The following ALPK1 variants were observed in gnomAD, a reference collection of about 807,000 sequenced individuals.
ALPK1 encodes alpha-protein kinase 1.
ALPK1 carries 110 observed loss-of-function variants against 120.6 expected under a neutral mutation model. The observed-to-expected ratio is 0.91, with a 90% CI of 0.78 to 1.07. The LOEUF (loss-of-function observed/expected upper bound fraction) is 1.07. Ranked by LOEUF, ALPK1 falls within the 50% of genes least tolerant of loss-of-function variation. The pLI, the probability that ALPK1 is intolerant of heterozygous loss-of-function variation, is 0.00. For missense variants in ALPK1, 1,498 were observed against 1,483.9 expected (o/e 1.01, Z -0.16); for synonymous variants, 582 against 560.3 (o/e 1.04, Z -0.55).
At chr4:112,319,072 A>T (rs887062741) in intron 2 of ALPK1, among the ~76,000 whole-genome samples, 4 of 152,230 alleles carry the variant, frequency 2.6e-5, no homozygotes, top group African/African-American at 9.6e-5. Flanking sequence ...TCTGGGCAGC[A>T]CATGAAGCAT....
chr4:112,319,709 A>G (rs866165994), intron 2 of ALPK1, among the ~76,000 whole-genome samples: 8 of 152,134 alleles, frequency 5.3e-5, no homozygotes, highest in Admixed American at 3.9e-4. Flanking sequence ...TGTGTCATCT[A>G]TCATTTCTTT....
intron 2 of ALPK1, among the ~76,000 whole-genome samples, chr4:112,373,175 T>C (rs1731493516): frequency 6.6e-6 from 1 of 152,232 alleles, no homozygotes; most frequent in African/African-American, 2.4e-5. Flanking sequence ...AGCCAATGTC[T>C]CCCTCTGTCA....
At chr4:112,357,923 T>C in intron 2 of ALPK1, 3 of 941,588 alleles carry the variant, frequency 3.2e-6, no homozygotes, top group South Asian at 1.3e-5. Context: ...TCTGAGACCA[T>C]GGGTGCTTAC....
Position 112,432,435 on chromosome 4 carries a change from G to A in ALPK1, c.2888G>A (p.Gly963Glu). ...SSGSSWVSLP[G>E]KMRKEILEAR... ...GGGAGTTCTTGGGTTTCATTGCCGG[G>A]AAAGATGAGGAAAGAGATCCTTGAG... The change falls in exon 11 of 16, where the codon GGA (glycine) becomes GAA (glutamate). Residue 963 changes from glycine to glutamate, a missense_variant. Coordinates refer to ENST00000650871, the MANE Select transcript of ALPK1 (RefSeq NM_025144.4). 4 of 1,614,150 alleles carry A rather than the reference G, an allele frequency of 2.5e-6. No individual in the cohort carries two copies. In the South Asian group the frequency reaches 3.3e-5, roughly 13 times the overall value.
At chr4:112,349,842 A>G (rs962732636) in intron 2 of ALPK1, among the ~76,000 whole-genome samples, 5 of 151,986 alleles carry the variant, frequency 3.3e-5, no homozygotes, top group Non-Finnish European at 7.4e-5. Context: ...ACGAGCCACC[A>G]CGCCCGGCCT....
intron 3 of ALPK1, among the ~76,000 whole-genome samples, chr4:112,379,151 C>T (rs889885710): frequency 1.2e-4 from 18 of 152,342 alleles, no homozygotes; most frequent in Middle Eastern, 3.4e-3. Context: ...TTTGTCTCCT[C>T]AGCCAAATTC....
chr4:112,430,984 T>C lies in ALPK1; in HGVS notation c.1437T>C (p.Asn479=). Residue 479 remains asparagine, a synonymous_variant, in exon 11 of 16, where the codon AAT becomes AAC. Coordinates refer to ENST00000650871, the MANE Select transcript of ALPK1 (RefSeq NM_025144.4). The stretch of plus-strand genomic sequence containing the variant: ...AAAGTGATTGTGGAAACAACAAAAA[T>C]GAACAGAAAGATGCAAAAACAGGAG... The part of the protein sequence containing the change: ...VFESDCGNNK[N]EQKDAKTGVC... 6.2e-7 allele frequency: 1 copy of C among 1,613,430 alleles called. No homozygotes were observed.
chr4:112,357,926 G>A lies in ALPK1; in HGVS notation c.-100-19752G>A. ...AAAGGCAGCTTCTCTGAGACCATGGGTGCTTACTAAGCAAGGATTGCCTCC... is the reference window on the plus strand; with the variant it reads ...AAAGGCAGCTTCTCTGAGACCATGGATGCTTACTAAGCAAGGATTGCCTCC... On this transcript the variant is annotated intron_variant, in intron 2 of 15. Transcript: ENST00000650871. 3 of 916,062 alleles carry A rather than the reference G, an allele frequency of 3.3e-6. No individual in the cohort carries two copies. The African/African-American group carries it at 4.8e-5, about 15-fold the overall frequency. The allele number at this position is 916,062 out of a possible 1,614,324, so 56.7% of individuals were successfully genotyped here. A position where few individuals can be genotyped will look rare whatever the true frequency, so the allele number is the denominator to read the frequency against.
At chr4:112,306,493 G>C (rs1489931095) in intron 1 of ALPK1, among the ~76,000 whole-genome samples, 2 of 151,050 alleles carry the variant, frequency 1.3e-5, no homozygotes, top group African/African-American at 4.9e-5. Context: ...TGTATGTGTC[G>C]AGGAATTTAT....
At chr4:112,403,535 T>C (rs1560672480) in intron 4 of ALPK1, among the ~76,000 whole-genome samples, 2 of 152,210 alleles carry the variant, frequency 1.3e-5, no homozygotes, top group Non-Finnish European at 1.5e-5. Flanking sequence ...AGTTAAATTA[T>C]GCAGCTGCGG....
At chr4:112,400,924 T>C (rs1379921274) in intron 4 of ALPK1, among the ~76,000 whole-genome samples, 2 of 152,106 alleles carry the variant, frequency 1.3e-5, no homozygotes, top group Non-Finnish European at 2.9e-5. Flanking sequence ...GATAATGTGT[T>C]TCATCCACAG....
intron 2 of ALPK1, among the ~76,000 whole-genome samples, chr4:112,317,418 G>A (rs1432553399): frequency 6.6e-6 from 1 of 152,040 alleles, no homozygotes; most frequent in Non-Finnish European, 1.5e-5. Flanking sequence ...TTTGTATGTG[G>A]TGTTGTAAAG....
Position 112,411,084 on chromosome 4 carries a change from C to G in ALPK1, c.277-743C>G, listed in dbSNP as rs546793069. ...AAGCAAGACAACGATCAATTAATGT[C>G]TAAATATAAATAAAAGGATAGGCGT... is the stretch of plus-strand genomic sequence containing the variant. On this transcript the variant is annotated intron_variant, in intron 4 of 15. Transcript: ENST00000650871. The G allele has an allele frequency of 2.6e-5, 4 of 154,896 alleles. 1 individual carries two copies. Among genetic ancestry groups the G allele is most frequent in the African/African-American group, 9.6e-5 (4 of 41,618 alleles). The allele number at this position is 154,896 out of a possible 1,614,324, so 9.6% of individuals were successfully genotyped here.
At chr4:112,420,678 G>A (rs77903796) in intron 5 of ALPK1, among the ~76,000 whole-genome samples, 4,511 of 152,212 alleles carry the variant, frequency 0.03, 211 homozygotes, top group African/African-American at 0.1. Flanking sequence ...ATCTAGCCAG[G>A]CATATATCCC....
chr4:112,406,873 A>G (rs1239194460), intron 4 of ALPK1, among the ~76,000 whole-genome samples: 1 of 152,172 alleles, frequency 6.6e-6, no homozygotes, highest in African/African-American at 2.4e-5. Context: ...GTCTATTATC[A>G]TTAGTCATAC....
chr4:112,305,570 A>G (rs1203463504), intron 1 of ALPK1, among the ~76,000 whole-genome samples: 6 of 152,156 alleles, frequency 3.9e-5, no homozygotes, highest in Admixed American at 2.6e-4. Context: ...TTGGTGTATA[A>G]GAATGCTTGT....
chr4:112,355,865 T>A (rs954543944), intron 2 of ALPK1, among the ~76,000 whole-genome samples: 1 of 152,234 alleles, frequency 6.6e-6, no homozygotes, highest in East Asian at 1.9e-4. Flanking sequence ...AAGTCTGAAC[T>A]GCCTGACAAA....
intron 2 of ALPK1, among the ~76,000 whole-genome samples, chr4:112,374,453 C>T (rs77293510): frequency 3.9e-5 from 6 of 152,318 alleles, no homozygotes; most frequent in Non-Finnish European, 7.3e-5. Flanking sequence ...GGGTTACACT[C>T]GGTTTCTCCT....
intron 2 of ALPK1, chr4:112,359,101 A>G (rs936169748): frequency 1.4e-6 from 1 of 729,696 alleles, no homozygotes; most frequent in Non-Finnish European, 2.6e-6. Context: ...CCGGATCCCA[A>G]GCTGACCCTG....
Sources: allele counts gnomAD v4.1 joint callset (sites outside exome capture counted in the v4.1 genomes callset), GRCh38; gene constraint gnomAD v4.1.1; transcripts MANE v1.5; gene names NCBI Gene and HGNC (gene_info 2026-07-23, HGNC 2026-07-21).